RSRC1: variants seen among roughly 807,000 people sequenced by gnomAD.
RSRC1 encodes serine/Arginine-related protein 53.
In RSRC1, 39 loss-of-function variants were observed where a neutral mutation model predicts 49.1. The observed-to-expected ratio is 0.79, with a 90% CI of 0.61 to 1.04. The LOEUF (loss-of-function observed/expected upper bound fraction) is 1.04. RSRC1 is among the 50% of genes least tolerant of loss of function. The pLI is 0.00. For missense variants in RSRC1, 388 were observed against 402.4 expected, an observed-to-expected ratio of 0.96 and a Z score of 0.31; for synonymous variants, 143 against 130.8, an observed-to-expected ratio of 1.09 and a Z score of -0.63.
At chr3:158,290,511 G>A (rs777892517) in intron 4 of RSRC1, among the ~76,000 whole-genome samples, 2 of 152,120 alleles carry the variant, frequency 1.3e-5, no homozygotes, top group Non-Finnish European at 2.9e-5. Flanking sequence ...TCCTGACCTC[G>A]TGATCCGCCC....
At chr3:158,136,545 G>A (rs1000887168) in intron 3 of RSRC1, among the ~76,000 whole-genome samples, 7 of 152,082 alleles carry the variant, frequency 4.6e-5, no homozygotes, top group African/African-American at 1.7e-4. Flanking sequence ...TTTCAGAGGT[G>A]GCTGTGAGGT....
At chr3:158,325,369 A>ACG (rs1729067945) in intron 5 of RSRC1, among the ~76,000 whole-genome samples, 1 of 152,150 alleles carries the variant, frequency 6.6e-6, no homozygotes, top group Non-Finnish European at 1.5e-5. Flanking sequence ...TAGGTCTAAG[A>ACG]TTTAAGTCTT....
intron 6 of RSRC1, among the ~76,000 whole-genome samples, chr3:158,392,601 G>T (rs544480381): frequency 6.6e-6 from 1 of 152,158 alleles, no homozygotes; most frequent in South Asian, 2.1e-4. Flanking sequence ...ATTACATAAT[G>T]CTAAAGGGTT....
At chr3:158,501,501 T>A (rs976517132) in intron 7 of RSRC1, among the ~76,000 whole-genome samples, 1 of 152,190 alleles carries the variant, frequency 6.6e-6, no homozygotes, top group Non-Finnish European at 1.5e-5. Context: ...ATCTCATTTC[T>A]TAGATCTATT....
intron 4 of RSRC1, among the ~76,000 whole-genome samples, chr3:158,289,284 T>C (rs1726772377): frequency 6.6e-6 from 1 of 152,202 alleles, no homozygotes; most frequent in South Asian, 2.1e-4. Flanking sequence ...TGAACTCTGT[T>C]TACTTGACTG....
chr3:158,241,095 G>C (rs945680199), intron 4 of RSRC1, among the ~76,000 whole-genome samples: 1 of 152,136 alleles, frequency 6.6e-6, no homozygotes, highest in Non-Finnish European at 1.5e-5. Flanking sequence ...TGTAGGGTTT[G>C]ATACTATCCA....
chr3:158,430,937 A>G (rs1735744382), intron 6 of RSRC1, among the ~76,000 whole-genome samples: 1 of 151,962 alleles, frequency 6.6e-6, no homozygotes, highest in South Asian at 2.1e-4. Flanking sequence ...TTCTATAGTC[A>G]AGTAAGTTTG....
intron 4 of RSRC1, among the ~76,000 whole-genome samples, chr3:158,285,713 G>T (rs1336033211): frequency 6.6e-6 from 1 of 152,084 alleles, no homozygotes; most frequent in Non-Finnish European, 1.5e-5. Context: ...TGGTGTATAA[G>T]AATGCTTGTG....
chr3:158,345,789 ACACATATATATGTAT>A (rs1271873718), intron 5 of RSRC1, among the ~76,000 whole-genome samples: 1 of 127,908 alleles, frequency 7.8e-6, no homozygotes, highest in African/African-American at 2.9e-5. Context: ...ATATATATAT[ACACATATATATGTAT>A]TACACACATA....
At chr3:158,206,775 A>G (rs827144) in intron 4 of RSRC1, among the ~76,000 whole-genome samples, 98,096 of 151,596 alleles carry the variant, frequency 0.65, 32,002 homozygotes, top group East Asian at 0.84. Context: ...TTAGCTGGGC[A>G]TAGTGGTGCG....
intron 5 of RSRC1, among the ~76,000 whole-genome samples, chr3:158,327,170 G>C (rs562031699): frequency 2.8e-4 from 43 of 151,902 alleles, no homozygotes; most frequent in African/African-American, 6.3e-4. Flanking sequence ...TTTGTTGATC[G>C]TTTCAAAAAA....
intron 4 of RSRC1, among the ~76,000 whole-genome samples, chr3:158,223,089 C>CA (rs1722314814): frequency 6.6e-6 from 1 of 151,710 alleles, no homozygotes; most frequent in Non-Finnish European, 1.5e-5. Flanking sequence ...ATCCAGTAGA[C>CA]ACTTCTCTCT....
At chr3:158,205,563 T>TA (rs1721299278) in intron 4 of RSRC1, among the ~76,000 whole-genome samples, 1 of 151,996 alleles carries the variant, frequency 6.6e-6, no homozygotes, top group Non-Finnish European at 1.5e-5. Flanking sequence ...GAAGGGAAGA[T>TA]ATGCAAGTGA....
chr3:158,470,359 C>T (rs199807290), intron 7 of RSRC1, among the ~76,000 whole-genome samples: 17,206 of 91,164 alleles, frequency 0.19, 1,046 homozygotes, highest in Middle Eastern at 0.28. Flanking sequence ...CACACACACA[C>T]ACATATATAT....
intron 6 of RSRC1, among the ~76,000 whole-genome samples, chr3:158,375,204 T>A (rs11718056): frequency 2.0e-5 from 3 of 148,882 alleles, no homozygotes; most frequent in Admixed American, 2.0e-4. Context: ...TATTATTAAC[T>A]TATTTTTTTG....
intron 7 of RSRC1, among the ~76,000 whole-genome samples, chr3:158,480,507 G>GT (rs1261544533): frequency 6.6e-6 from 1 of 151,892 alleles, no homozygotes; most frequent in East Asian, 1.9e-4. Flanking sequence ...GCGAAATTTG[G>GT]TTTTTTCTAA....
intron 4 of RSRC1, among the ~76,000 whole-genome samples, chr3:158,244,035 GT>G (rs34272372): frequency 0.69 from 103,191 of 149,324 alleles, 36,050 homozygotes; most frequent in East Asian, 0.84. Flanking sequence ...TTGAAGTGGG[GT>G]TTTTTTTTAT....
At position 158,398,006 on chromosome 3, in the gene RSRC1, G is replaced by A. The variant is rs557157715; in HGVS notation, c.583+43098G>A. 1.6e-4 allele frequency among the ~76,000 whole-genome samples: 25 copies of A among 152,196 alleles called. No individual in the cohort carries two copies. In the South Asian group the frequency reaches 5.0e-3, roughly 30 times the overall value. ...GAGGTTGGGATGGGATGCGTACTGCGACTGGGTGACCCTTGGGAATGGGGT... is the reference window on the plus strand; with the variant it reads ...GAGGTTGGGATGGGATGCGTACTGCAACTGGGTGACCCTTGGGAATGGGGT... On this transcript the variant is annotated intron_variant, in intron 6 of 9. Transcript: ENST00000611884.
chr3:158,390,405 T>A (rs1293643382), intron 6 of RSRC1, among the ~76,000 whole-genome samples: 1 of 152,192 alleles, frequency 6.6e-6, no homozygotes, highest in East Asian at 1.9e-4. Context: ...AGGGGCCGCA[T>A]GTATCTATGT....
Sources: gnomAD v4.1 joint callset for allele counts (sites outside exome capture counted in the v4.1 genomes callset) on GRCh38, gnomAD v4.1.1 for gene constraint, MANE v1.5 for transcripts, NCBI Gene and HGNC (gene_info 2026-07-23, HGNC 2026-07-21) for gene names.